Variants in RIF1 observed in about 807,000 individuals in gnomAD.
The protein encoded by RIF1 is telomere-associated protein RIF1.
In RIF1, 45 loss-of-function variants were observed where a neutral mutation model predicts 247.1. That is an observed-to-expected ratio of 0.18 (90% confidence interval 0.14 to 0.23). The LOEUF is 0.23. Ranked by LOEUF, RIF1 falls within the 10% of genes least tolerant of loss-of-function variation. The probability of loss-of-function intolerance (pLI) is 1.00; values close to 1 mark genes in which losing one functional copy is unlikely to be tolerated. For missense variants in RIF1, 2,967 were observed against 2,862.5 expected, an observed-to-expected ratio of 1.04 and a Z score of -0.83; for synonymous variants, 1,087 against 978.8, an observed-to-expected ratio of 1.11 and a Z score of -2.06.
rs1224780354 is a variant in RIF1 at position 151,465,727 on chromosome 2, C to G, written c.6207C>G (p.Asp2069Glu). Residue 2069 changes from aspartate (D) to glutamate (E), a missense_variant, in exon 30 of 36, where the codon GAC becomes GAG. By Grantham distance (45) the Asp-to-Glu change is conservative. Around this residue, in one of 7 missense-constraint regions of RIF1, gnomAD observed 2,028 missense variants for 1,825.6 expected, o/e 1.11. Coordinates refer to ENST00000444746, the MANE Select transcript of RIF1 (RefSeq NM_018151.5). ...CAGAAATGGACAACTTTGTTTGTGA[C>G]ACAGTTGAAATGAGCACTGAAGAAG... is the stretch of plus-strand genomic sequence containing the variant. ...LTAEMDNFVC[D>E]TVEMSTEEGI... 6.2e-7 allele frequency: 1 copy of G among 1,614,098 alleles called. No homozygotes were observed. Among genetic ancestry groups the G allele is most frequent in the Admixed American group, 1.7e-5 (1 of 60,012 alleles).
At chr2:151,439,847 C>A (rs1303703252) in intron 14 of RIF1, among the ~76,000 whole-genome samples, 180 bp from the exon 15 acceptor site, 1 of 150,530 alleles carries the variant, frequency 6.6e-6, no homozygotes, top group Admixed American at 6.6e-5. Flanking sequence ...GTGGTGCACA[C>A]CTGTAATCCC....
At chr2:151,497,496 A>G (rs1421215729) in intron 10 of RIF1, 8 of 1,485,570 alleles carry the variant, frequency 5.4e-6, no homozygotes, top group Admixed American at 2.5e-5. Flanking sequence ...GGAAAAAAGG[A>G]TAAATTTGCT....
At chr2:151,457,657 G>C (rs1172867424) in intron 23 of RIF1, 104 bp from the exon 24 acceptor site, 1 of 748,738 alleles carries the variant, frequency 1.3e-6, no homozygotes. Flanking sequence ...CAACAGTGGG[G>C]GTTAGTTTAA....
intron 21 of RIF1, among the ~76,000 whole-genome samples, chr2:151,454,425 A>G (rs577995021): frequency 1.8e-4 from 28 of 152,234 alleles, no homozygotes; most frequent in Middle Eastern, 3.4e-3. Flanking sequence ...GACTTGTTCA[A>G]TGTTATTTGT....
At chr2:151,484,176 C>G (rs576538118), downstream of RIF1, among the ~76,000 whole-genome samples, 1 of 152,310 alleles carries the variant, frequency 6.6e-6, no homozygotes, top group African/African-American at 2.4e-5. Context: ...GGAAAGCCAG[C>G]TGCATGTTGA....
intron 15 of RIF1, among the ~76,000 whole-genome samples, chr2:151,440,887 ACTGT>A (rs1365044934): frequency 6.6e-6 from 1 of 152,252 alleles, no homozygotes; most frequent in Admixed American, 6.5e-5. Context: ...ACAAACTAAT[ACTGT>A]CTATTATTAT....
At chr2:151,527,560 G>A in the RIF1 span, 1 of 1,612,784 alleles carries the variant, frequency 6.2e-7, no homozygotes, top group East Asian at 2.2e-5. Context: ...GGCTTTGTTG[G>A]CTTCGTACTG....
chr2:151,452,142 T>G (rs1005545267), intron 21 of RIF1, among the ~76,000 whole-genome samples: 41 of 152,220 alleles, frequency 2.7e-4, no homozygotes, highest in African/African-American at 9.6e-4. Context: ...ATCAGTTAAT[T>G]GGTTATTTTT....
chr2:151,435,790 A>C (rs903910991), intron 11 of RIF1, among the ~76,000 whole-genome samples: 6 of 150,316 alleles, frequency 4.0e-5, no homozygotes, highest in Non-Finnish European at 7.4e-5. Context: ...AATATTACTG[A>C]TTACTGTTGT....
intron 11 of RIF1, among the ~76,000 whole-genome samples, chr2:151,502,095 T>G (rs1224550363): frequency 6.6e-6 from 1 of 152,130 alleles, no homozygotes; most frequent in Non-Finnish European, 1.5e-5. Context: ...TGGAGACTAG[T>G]ATTGTAAGTG....
chr2:151,425,202 CTG>C (rs1688832847), intron 8 of RIF1, among the ~76,000 whole-genome samples: 1 of 151,956 alleles, frequency 6.6e-6, no homozygotes, highest in Non-Finnish European at 1.5e-5. Context: ...GTTTCATTGT[CTG>C]TGGAGAAATG....
rs1259099714 is a variant in RIF1 at position 151,474,888 on chromosome 2, A to G, written c.7236A>G (p.Pro2412=). ...DIIDPVALEI[P]LSKNLLAQIS... Reference sequence around the variant, plus strand: ...TTGATCCTGTTGCTTTAGAAATTCCATTATCCAAAAACCTTCTGGCACAGA... The same window carrying G: ...TTGATCCTGTTGCTTTAGAAATTCCGTTATCCAAAAACCTTCTGGCACAGA... Residue 2412 remains proline (P), a synonymous_variant, in exon 36 of 36, where the codon CCA becomes CCG. Transcript: ENST00000444746. The G allele has an allele frequency of 1.8e-5, 28 of 1,590,700 alleles. No homozygotes were observed. The highest frequency in any genetic ancestry group is 2.7e-5 in the African/African-American group (2 of 74,370).
At chr2:151,482,476 G>A (rs2049208721), downstream of RIF1, among the ~76,000 whole-genome samples, 1 of 152,034 alleles carries the variant, frequency 6.6e-6, no homozygotes, top group Non-Finnish European at 1.5e-5. Flanking sequence ...GAGAGGTTTC[G>A]TCAAATAAGG....
At position 151,411,245 on chromosome 2, in the gene RIF1, T is replaced by C; in HGVS notation, c.105-15T>C. On this transcript the variant is annotated splice_polypyrimidine_tract_variant and intron_variant, in intron 2 of 35. Transcript: ENST00000444746. ...CTGTCAACTACTTAAACTTGTGTTC[T>C]TCCTGCTTTTTAAGTCGTATGACTG... is the stretch of plus-strand genomic sequence containing the variant. 1 of 1,523,628 alleles carries C rather than the reference T, an allele frequency of 6.6e-7. No individual in the cohort carries two copies. The highest frequency in any genetic ancestry group is 1.2e-5 in the South Asian group (1 of 84,144). The allele number at this position is 1,523,628 out of a possible 1,614,324, so 94.4% of individuals were successfully genotyped here.
At chr2:151,497,526 A>AAGTT in intron 10 of RIF1, 1 of 1,503,470 alleles carries the variant, frequency 6.7e-7, no homozygotes, top group South Asian at 1.3e-5. Flanking sequence ...CACAAAATTT[A>AAGTT]AGTTGTCTTT....
chr2:151,425,092 C>G (rs1688810264), intron 8 of RIF1, among the ~76,000 whole-genome samples: 1 of 151,810 alleles, frequency 6.6e-6, no homozygotes, highest in Non-Finnish European at 1.5e-5. Context: ...TTTTTGATAG[C>G]CATCCTAGTG....
At chr2:151,435,900 A>G (rs1170255462) in intron 11 of RIF1, among the ~76,000 whole-genome samples, 1 of 151,890 alleles carries the variant, frequency 6.6e-6, no homozygotes, top group African/African-American at 2.4e-5. Context: ...GAAGCTGTTG[A>G]TTTTAGAACC....
rs750167818 is a variant in RIF1 at position 151,476,906 on chromosome 2, C to T, written c.*1835C>T. ...ACACACTTCAGAATTAAAATCAGTTCGTTTCATGACTCTGTGCCTTAACGT... is the reference window on the plus strand; with the variant it reads ...ACACACTTCAGAATTAAAATCAGTTTGTTTCATGACTCTGTGCCTTAACGT... On this transcript the variant is annotated 3_prime_UTR_variant, in exon 36 of 36. Transcript: ENST00000444746. 1 of 152,124 alleles carries T rather than the reference C, an allele frequency of 6.6e-6. No individual in the cohort carries two copies. The highest frequency in any genetic ancestry group is 1.5e-5 in the Non-Finnish European group (1 of 68,016). 9.4% of individuals were successfully genotyped at this position (152,124 alleles called of 1,614,324 possible).
chr2:151,472,736 G>A (rs997306691), intron 34 of RIF1, among the ~76,000 whole-genome samples: 3 of 152,156 alleles, frequency 2.0e-5, no homozygotes, highest in Admixed American at 6.6e-5. Flanking sequence ...TGATCATGGT[G>A]GATAAGCTTT....
Sources: gnomAD v4.1 joint callset for allele counts (sites outside exome capture counted in the v4.1 genomes callset) on GRCh38, gnomAD v4.1.1 for gene constraint, gnomAD v4.1.1 regional missense constraint, MANE v1.5 for transcripts, NCBI Gene and HGNC (gene_info 2026-07-23, HGNC 2026-07-21) for gene names.